CFAP70: variants seen among roughly 807,000 people sequenced by gnomAD.
CFAP70 encodes the protein cilia and flagella associated protein 70.
CFAP70 carries 81 observed loss-of-function variants against 137.6 expected under a neutral mutation model. That is an observed-to-expected ratio of 0.59 (90% CI 0.49 to 0.71). CFAP70 has a LOEUF of 0.71. Among genes scored for constraint, CFAP70 ranks in the 30% least tolerant of loss-of-function variants. The pLI, the probability that CFAP70 is intolerant of heterozygous loss-of-function variation, is 0.00. For missense variants in CFAP70, 976 were observed against 1,226.7 expected (o/e 0.80, Z 3.05); for synonymous variants, 382 against 423.6 (o/e 0.90, Z 1.20).
At chr10:73,322,787 A>G (rs1026119318) in intron 9 of CFAP70, among the ~76,000 whole-genome samples, 176 bp downstream of exon 10, 4 of 152,048 alleles carry the variant, frequency 2.6e-5, no homozygotes, top group African/African-American at 9.7e-5. Context: ...TTGTCCTTTC[A>G]TTATCCTAAA....
intron 9 of CFAP70, among the ~76,000 whole-genome samples, chr10:73,313,371 CAAAAAAAAAAA>C (rs775077463): frequency 1.7e-5 from 1 of 59,180 alleles, no homozygotes; most frequent in Non-Finnish European, 3.5e-5. Context: ...GACTCTGTCT[CAAAAAAAAAAA>C]AAAAAAAAAA....
At chr10:73,341,822 G>A (rs1202741225) in intron 5 of CFAP70, among the ~76,000 whole-genome samples, 1 of 152,184 alleles carries the variant, frequency 6.6e-6, no homozygotes, top group Non-Finnish European at 1.5e-5. Flanking sequence ...TGCAGATACA[G>A]TTTGTCCAGT....
intron 12 of CFAP70, among the ~76,000 whole-genome samples, chr10:73,309,328 A>G (rs1318499799): frequency 1.3e-5 from 2 of 152,168 alleles, no homozygotes; most frequent in Non-Finnish European, 2.9e-5. Flanking sequence ...GTTTTTTTAA[A>G]TTACATATAT....
chr10:73,316,641 A>G (rs977878979), intron 9 of CFAP70, among the ~76,000 whole-genome samples: 3 of 151,634 alleles, frequency 2.0e-5, no homozygotes, highest in African/African-American at 7.3e-5. Context: ...ATCCTAACTA[A>G]TAACAATCTA....
At chr10:73,269,861 G>A (rs1242773489) in intron 24 of CFAP70, 146 bp from the exon 26 acceptor site, 8 of 565,268 alleles carry the variant, frequency 1.4e-5, no homozygotes, top group Non-Finnish European at 2.6e-5. Flanking sequence ...AATCTTATGT[G>A]GTGGTTCAAT....
intron 26 of CFAP70, 117 bp from the exon 28 acceptor site, chr10:73,254,172 A>G (rs1434483924): frequency 1.4e-6 from 1 of 717,714 alleles, no homozygotes; most frequent in Non-Finnish European, 2.1e-6. Context: ...CTGGGATGGA[A>G]TTGGCTCTTC....
chr10:73,355,862 G>A (rs113977838), intron 1 of CFAP70, among the ~76,000 whole-genome samples: 8 of 152,076 alleles, frequency 5.3e-5, no homozygotes, highest in South Asian at 4.1e-4. Flanking sequence ...AATCATCCCC[G>A]CTGCCCCCAG....
At chr10:73,256,308 C>T in intron 26 of CFAP70, 61 bp downstream of exon 27, 1 of 1,578,492 alleles carries the variant, frequency 6.3e-7, no homozygotes, top group Non-Finnish European at 8.7e-7. Flanking sequence ...GCCAGTACCT[C>T]CCTCCTAATT....
At chr10:73,326,596 T>G (rs1165937056) in intron 8 of CFAP70, among the ~76,000 whole-genome samples, 2 of 150,098 alleles carry the variant, frequency 1.3e-5, no homozygotes, top group Non-Finnish European at 3.0e-5. Context: ...CTAGCAAGAC[T>G]AATAAAGAAG....
chr10:73,272,244 AG>A (rs2046371926), intron 24 of CFAP70, among the ~76,000 whole-genome samples: 1 of 152,124 alleles, frequency 6.6e-6, no homozygotes, highest in African/African-American at 2.4e-5. Flanking sequence ...CTGAGGCAGG[AG>A]GATCACTTGA....
rs373012339 is a variant in CFAP70 at position 73,331,168 on chromosome 10, C to G, written c.777+9G>C. On this transcript the variant is annotated intron_variant, in intron 8 of 26. Coordinates refer to ENST00000310715, the Ensembl canonical transcript of CFAP70. ...TCTTATATAAATATTTTTGAGGGGGCATATTTACCTTTTCAGTTTTGCCAG... is the reference window on the plus strand; with the variant it reads ...TCTTATATAAATATTTTTGAGGGGGGATATTTACCTTTTCAGTTTTGCCAG... 2 of 1,581,170 alleles carry G rather than the reference C, an allele frequency of 1.3e-6. No individual in the cohort carries two copies. The highest frequency in any genetic ancestry group is 1.7e-6 in the Non-Finnish European group (2 of 1,153,232).
At chr10:73,254,268 A>G (rs879842721) in intron 26 of CFAP70, 3 of 377,278 alleles carry the variant, frequency 8.0e-6, no homozygotes, top group Non-Finnish European at 1.4e-5. Flanking sequence ...GTGAAAATTC[A>G]TCAAGCACTA....
intron 12 of CFAP70, among the ~76,000 whole-genome samples, chr10:73,302,421 C>T (rs1468008385): frequency 6.6e-6 from 1 of 152,136 alleles, no homozygotes; most frequent in Non-Finnish European, 1.5e-5. Context: ...CTGGATTTAA[C>T]AGTGTGGTGG....
Position 73,341,514 on chromosome 10 carries a change from CG to C in CFAP70, c.466del (p.Arg156GlyfsTer50). On this transcript the variant is annotated frameshift_variant, in exon 6 of 27. Coordinates refer to ENST00000310715, the Ensembl canonical transcript of CFAP70. LOFTEE classifies it high-confidence loss of function. ...GTTGGCAATTGGCCACTTTTTGGGCCGGGGAACAGGTTCCCTTTCCCCTCCA... is the reference window on the plus strand; with the variant it reads ...GTTGGCAATTGGCCACTTTTTGGGCCGGGAACAGGTTCCCTTTCCCCTCCA... 1 of 1,614,108 alleles carries C rather than the reference CG, an allele frequency of 6.2e-7. No individual in the cohort carries two copies.
At chr10:73,279,565 A>G (rs1179202452) in intron 19 of CFAP70, among the ~76,000 whole-genome samples, 1 of 134,500 alleles carries the variant, frequency 7.4e-6, no homozygotes, top group Non-Finnish European at 1.6e-5. Context: ...AAATAAATAA[A>G]TAAATATAAG....
intron 9 of CFAP70, 98 bp from the exon 11 acceptor site, chr10:73,312,741 T>G (rs2050018959): frequency 1.8e-6 from 2 of 1,084,558 alleles, no homozygotes; most frequent in African/African-American, 3.2e-5. Context: ...TCCAAACAAT[T>G]TCGACATTTA....
intron 4 of CFAP70, 52 bp from the exon 6 acceptor site, chr10:73,345,296 T>C (rs763469700): frequency 1.3e-6 from 2 of 1,484,034 alleles, no homozygotes; most frequent in South Asian, 2.3e-5. Context: ...GAGATCTTCC[T>C]TTTTTGCATT....
intron 8 of CFAP70, among the ~76,000 whole-genome samples, chr10:73,324,126 T>A (rs1473624015): frequency 6.6e-6 from 1 of 152,128 alleles, no homozygotes; most frequent in Non-Finnish European, 1.5e-5. Context: ...CGGGTACTCC[T>A]CTGAGACAAA....
At chr10:73,261,687 A>G (rs550900184) in intron 25 of CFAP70, among the ~76,000 whole-genome samples, 50 of 152,094 alleles carry the variant, frequency 3.3e-4, no homozygotes, top group African/African-American at 1.2e-3. Flanking sequence ...CAGCCAAAAT[A>G]TATCAGATGG....
Sources: allele counts gnomAD v4.1 joint callset (sites outside exome capture counted in the v4.1 genomes callset), GRCh38; gene constraint gnomAD v4.1.1; transcripts MANE v1.5; gene names NCBI Gene and HGNC (gene_info 2026-07-23, HGNC 2026-07-21).